KRT28: variants seen among roughly 807,000 people sequenced by gnomAD.
KRT28 encodes keratin, type I cytoskeletal 28.
KRT28 carries 45 observed loss-of-function variants against 48.1 expected under a neutral mutation model. That is an observed-to-expected ratio of 0.94 (90% CI 0.74 to 1.20). KRT28 has a LOEUF of 1.20. KRT28 is among the 50% of genes most tolerant of loss of function. The probability of loss-of-function intolerance (pLI) is 0.00; values close to 1 mark genes in which losing one functional copy is unlikely to be tolerated. For synonymous variants in KRT28, 228 were observed against 227.4 expected, an observed-to-expected ratio of 1.00 and a Z score of -0.03; for missense variants, 571 against 574.1, an observed-to-expected ratio of 0.99 and a Z score of 0.06.
intron 5 of KRT28, among the ~76,000 whole-genome samples, chr17:40,796,523 C>G (rs1904616912): frequency 6.6e-6 from 1 of 152,212 alleles, no homozygotes; most frequent in Non-Finnish European, 1.5e-5. Flanking sequence ...TCAGGAGATG[C>G]TGGTGTGATG....
At position 40,797,172 on chromosome 17, in the gene KRT28, T is replaced by A. The variant is rs780905091; in HGVS notation, c.800A>T (p.Glu267Val). Residue 267 changes from glutamate to valine, a missense_variant, in exon 4 of 8, where the codon GAA becomes GTA. Glu to Val is a moderately radical substitution (Grantham distance 121). Coordinates refer to ENST00000306658, the MANE Select transcript of KRT28 (RefSeq NM_181535.3). ...VLLNNMRAEY[E>V]ALAEQNRKDA... ...CTTGCGGTTCTGCTCTGCAAGGGCT[T>A]CGTACTCCGCTCGCATGTTGTTCAA... 5.0e-6 allele frequency: 8 copies of A among 1,614,162 alleles called. No individual in the cohort carries two copies. Among genetic ancestry groups the A allele is most frequent in the Non-Finnish European group, 6.8e-6 (8 of 1,180,020 alleles).
At position 40,792,221 on chromosome 17, in the gene KRT28, A is replaced by AAC; in HGVS notation, c.*205_*206insGT. On this transcript the variant is annotated 3_prime_UTR_variant, in exon 8 of 8. Coordinates refer to ENST00000306658, the MANE Select transcript of KRT28 (RefSeq NM_181535.3). The stretch of plus-strand genomic sequence containing the variant: ...AAAAAATCACAAATAGTTATTTATT[A>AAC]GTCATCAGTGAATGGAAATGAATGC... The AAC allele has an allele frequency of 2.5e-6, 1 of 403,234 alleles. No individual in the cohort carries two copies. The highest frequency in any genetic ancestry group is 4.4e-6 in the Non-Finnish European group (1 of 227,912). The allele number at this position is 403,234 out of a possible 1,614,324, so 25.0% of individuals were successfully genotyped here.
At position 40,792,953 on chromosome 17, in the gene KRT28, A is replaced by C. The variant is rs1597806865; in HGVS notation, c.1252+202T>G. On this transcript the variant is annotated intron_variant, in intron 7 of 7. Transcript: ENST00000306658. ...CGTCTCTATTAAAAATATAAAAACT[A>C]GCTGGGCATGGTGGTGGGTGCCTGT... Among the ~76,000 whole-genome samples, 3 of 152,070 alleles carry C rather than the reference A, an allele frequency of 2.0e-5. No homozygotes were observed. In the East Asian group the frequency reaches 5.8e-4, roughly 29 times the overall value.
Position 40,793,845 on chromosome 17 carries a change from T to C in KRT28, c.1180A>G (p.Ile394Val). Residue 394 changes from isoleucine to valine, a missense_variant, in exon 6 of 8, where the codon ATA becomes GTA. Coordinates refer to ENST00000306658, the MANE Select transcript of KRT28 (RefSeq NM_181535.3). ...TTTACTTACTTTCCATCTCCATCTA[T>C]CAGGCGGCAGTAGGTCTCAATTTCT... ...EKEIETYCRL[I>V]DGDGNSCSKS... is the part of the protein sequence containing the mutation. 6.2e-7 allele frequency: 1 copy of C among 1,613,998 alleles called. No individual in the cohort carries two copies.
At chr17:40,796,175 G>A (rs1199176864) in intron 5 of KRT28, among the ~76,000 whole-genome samples, 4 of 152,212 alleles carry the variant, frequency 2.6e-5, no homozygotes, top group Admixed American at 2.6e-4. Context: ...GTCCTCAGGA[G>A]GCACGAAACC....
chr17:40,797,705 C>T (rs1446803538), intron 3 of KRT28, among the ~76,000 whole-genome samples: 5 of 151,996 alleles, frequency 3.3e-5, no homozygotes, highest in African/African-American at 1.2e-4. Flanking sequence ...GCTGAGATTG[C>T]GCCACTGCAC....
intron 5 of KRT28, among the ~76,000 whole-genome samples, chr17:40,795,691 C>T (rs574796883): frequency 2.1e-4 from 32 of 152,174 alleles, no homozygotes; most frequent in Admixed American, 7.9e-4. Flanking sequence ...ATTATAGTAC[C>T]ACTGGCTGCA....
In KRT28 at chr17:40,796,994, A is replaced by C; in HGVS notation, c.900T>G (p.Thr300=). The change falls in exon 5 of 8, where the codon ACT becomes ACG. Residue 300 remains threonine (T), a synonymous_variant. Transcript: ENST00000306658. ...QQISHDSGAA[T]FARSQLTEMR... is the part of the protein sequence containing the mutation. ...TCTCGGTGAGCTGGCTCCGGGCGAA[A>C]GTGGCTGCGCCTGAGTCGTGGGAGA... 6.2e-7 allele frequency: 1 copy of C among 1,613,102 alleles called. No individual in the cohort carries two copies. Among genetic ancestry groups the C allele is most frequent in the Non-Finnish European group, 8.5e-7 (1 of 1,179,712 alleles).
At chr17:40,798,835 T>C in intron 2 of KRT28, 82 bp downstream of exon 2, 1 of 886,280 alleles carries the variant, frequency 1.1e-6, no homozygotes, top group East Asian at 2.6e-5. Context: ...TTCATTCTAC[T>C]TGGGATGAAA....
chr17:40,797,680 T>C (rs1234611717), intron 3 of KRT28, among the ~76,000 whole-genome samples: 1 of 151,830 alleles, frequency 6.6e-6, no homozygotes, highest in Non-Finnish European at 1.5e-5. Context: ...ACCTGGGAGG[T>C]GGAGGTTGCA....
intron 6 of KRT28, 22 bp downstream of exon 6, chr17:40,793,807 A>G (rs929180245): frequency 1.2e-6 from 2 of 1,613,094 alleles, no homozygotes; most frequent in Non-Finnish European, 1.7e-6. Context: ...TAAAAACTGG[A>G]TTTTCAAATG....
intron 6 of KRT28, 86 bp from the exon 7 acceptor site, chr17:40,793,296 A>T: frequency 1.2e-6 from 1 of 864,628 alleles, no homozygotes; most frequent in Non-Finnish European, 1.7e-6. Flanking sequence ...TGAAATTTGT[A>T]TGCCAAAAAC....
chr17:40,793,147 T>G lies in KRT28; in HGVS notation c.1252+8A>C, dbSNP rs547441312. ...GAAAAGAAAAGAAATAGAACTAGAT[T>G]TTATTACCTTTAGATGAATTCCCAG... is the stretch of plus-strand genomic sequence containing the variant. On this transcript the variant is annotated splice_region_variant and intron_variant, in intron 7 of 7. Transcript: ENST00000306658. 11 of 1,534,186 alleles carry G rather than the reference T, an allele frequency of 7.2e-6. No individual in the cohort carries two copies. The East Asian group carries it at 2.6e-4, about 36-fold the overall frequency.
chr17:40,794,105 A>C (rs1394369938), intron 5 of KRT28, 59 bp from the exon 6 acceptor site: 2 of 1,586,540 alleles, frequency 1.3e-6, no homozygotes, highest in Non-Finnish European at 8.6e-7. Flanking sequence ...CTAGTAGAAC[A>C]TTGTTTCTCA....
rs1449073800 is a variant in KRT28, at chr17:40,793,295, T to C, written c.1197-85A>G. ...TCATTGACTCAATGAATGAAATTTG[T>C]ATGCCAAAAACAGGTCTTAGTTTTC... On this transcript the variant is annotated intron_variant, in intron 6 of 7. Transcript: ENST00000306658. The C allele has an allele frequency of 4.6e-6, 4 of 869,718 alleles. No individual in the cohort carries two copies. In the African/African-American group the frequency reaches 5.4e-5, roughly 12 times the overall value. The allele number at this position is 869,718 out of a possible 1,614,324, so 53.9% of individuals were successfully genotyped here. A position where few individuals can be genotyped will look rare whatever the true frequency, so the allele number is the denominator to read the frequency against.
intron 5 of KRT28, among the ~76,000 whole-genome samples, chr17:40,796,370 G>C (rs1400986507): frequency 6.6e-6 from 1 of 152,238 alleles, no homozygotes; most frequent in Non-Finnish European, 1.5e-5. Flanking sequence ...CTGGCTCCCA[G>C]GTGTGCCCTC....
chr17:40,797,935 A>G (rs1292790029), intron 3 of KRT28, among the ~76,000 whole-genome samples: 2 of 152,202 alleles, frequency 1.3e-5, no homozygotes, highest in Non-Finnish European at 2.9e-5. Flanking sequence ...TGGGAATAGA[A>G]CAGTAGAAAA....
chr17:40,799,953 A>T lies in KRT28; in HGVS notation c.-60T>A, dbSNP rs1471292381. Reference sequence around the variant, plus strand: ...AACTGTAATGTCCCAAGAGAACAGAATATCATGCACTGATAATTTCTTTGG... The same window carrying T: ...AACTGTAATGTCCCAAGAGAACAGATTATCATGCACTGATAATTTCTTTGG... On this transcript the variant is annotated 5_prime_UTR_variant, in exon 1 of 8. Coordinates refer to ENST00000306658, the MANE Select transcript of KRT28 (RefSeq NM_181535.3). 2 of 1,303,032 alleles carry T rather than the reference A, an allele frequency of 1.5e-6. No individual in the cohort carries two copies. Among genetic ancestry groups the T allele is most frequent in the Admixed American group, 3.7e-5 (2 of 54,224 alleles). The allele number at this position is 1,303,032 out of a possible 1,614,324, so 80.7% of individuals were successfully genotyped here. A position where few individuals can be genotyped will look rare whatever the true frequency, so the allele number is the denominator to read the frequency against.
Position 40,798,287 on chromosome 17 carries a change from T to TG in KRT28, c.637dup (p.Gln213ProfsTer3). On this transcript the variant is annotated frameshift_variant, in exon 3 of 8. Transcript: ENST00000306658. LOFTEE classifies it high-confidence loss of function. ...CATCTCCTCACTCAGAGACTCATAT[T>TG]GCAGCTCCTGGTCGGTCCTGCAGAG... The TG allele has an allele frequency of 1.2e-6, 2 of 1,613,312 alleles. No individual in the cohort carries two copies. Among genetic ancestry groups the TG allele is most frequent in the Non-Finnish European group, 8.5e-7 (1 of 1,179,256 alleles).
Sources: gnomAD v4.1 joint callset for allele counts (sites outside exome capture counted in the v4.1 genomes callset) on GRCh38, gnomAD v4.1.1 for gene constraint, MANE v1.5 for transcripts, NCBI Gene and HGNC (gene_info 2026-07-23, HGNC 2026-07-21) for gene names.